Variants in EGR2 observed in about 807,000 individuals in gnomAD.
EGR2 encodes early growth response 2.
EGR2 carries 2 observed loss-of-function variants against 21.2 expected under a neutral mutation model. The ratio of observed to expected loss-of-function variants is 0.09; its 90% CI spans 0.04 to 0.30. The LOEUF (loss-of-function observed/expected upper bound fraction) is 0.30, where lower values mean the gene tolerates loss of function less well. Ranked by LOEUF, EGR2 falls within the 10% of genes least tolerant of loss-of-function variation. The pLI is 1.00. For missense variants in EGR2, 458 were observed against 630.2 expected, an observed-to-expected ratio of 0.73 and a Z score of 2.93; for synonymous variants, 282 against 258.2, an observed-to-expected ratio of 1.09 and a Z score of -0.88.
rs769473870 is a variant in EGR2 at position 62,814,090 on chromosome 10, T to C, written c.548A>G (p.Gln183Arg). ...TGCTGACAGGAACGCAGAAGGGTCCTGGTAGAGGTCTCCTGCACAGCCAGA... is the reference window on the plus strand; with the variant it reads ...TGCTGACAGGAACGCAGAAGGGTCCCGGTAGAGGTCTCCTGCACAGCCAGA... ...PYSGCAGDLYQDPSAFLSAAT... is the reference protein window; with the variant it reads ...PYSGCAGDLYRDPSAFLSAAT... Residue 183 changes from glutamine to arginine, a missense_variant, in exon 2 of 2, where the codon CAG (glutamine) becomes CGG (arginine). Around this residue, in one of 5 missense-constraint regions of EGR2, gnomAD observed 253 missense variants for 315.5 expected, o/e 0.80. Coordinates refer to ENST00000242480, the MANE Select transcript of EGR2 (RefSeq NM_000399.5). This position sits in a 1 kb window ranked among gnomAD's most constrained non-coding sequence, Gnocchi z 4.8. The C allele has an allele frequency of 1.2e-6, 2 of 1,613,908 alleles. No individual in the cohort carries two copies. Among genetic ancestry groups the C allele is most frequent in the South Asian group, 1.1e-5 (1 of 91,066 alleles).
rs1339781956 is a variant in EGR2 at position 62,812,201 on chromosome 10, A to G, written c.*1006T>C. On this transcript the variant is annotated 3_prime_UTR_variant, in exon 2 of 2. Coordinates refer to ENST00000242480, the MANE Select transcript of EGR2 (RefSeq NM_000399.5). ...ACTTTTAAGTCACAAAACAAAGCAT[A>G]CAAAAATATACTTTCTAAAAAAAAT... is the stretch of plus-strand genomic sequence containing the variant. 1 of 152,834 alleles carries G rather than the reference A, an allele frequency of 6.5e-6. No homozygotes were observed. 9.5% of individuals were successfully genotyped at this position (152,834 alleles called of 1,614,324 possible).
chr10:62,813,588 C>A lies in EGR2; in HGVS notation c.1050G>T (p.Arg350=), dbSNP rs781058000. The A allele has an allele frequency of 1.9e-6, 3 of 1,612,820 alleles. No homozygotes were observed. Among genetic ancestry groups the A allele is most frequent in the Non-Finnish European group, 2.5e-6 (3 of 1,180,034 alleles). The stretch of plus-strand genomic sequence containing the variant: ...GTGTCAGCTCGTCAGAGCGGGAGAA[C>A]CGCCGGTCGCAGCCTTCTGCTGGGC... The part of the protein sequence containing the change: ...YPCPAEGCDR[R]FSRSDELTRH... The change falls in exon 2 of 2, where the codon CGG becomes CGT. Residue 350 remains arginine (R), a synonymous_variant. Coordinates refer to ENST00000242480, the MANE Select transcript of EGR2 (RefSeq NM_000399.5). The surrounding 1 kb of genome is among the most constrained non-coding windows in gnomAD (Gnocchi z 5.7).
chr10:62,814,504 T>C lies in EGR2; in HGVS notation c.170-36A>G. Reference sequence around the variant, plus strand: ...GAAAGGCAGAATGGAGGTGGAACAATGAAAATACAGCCAGGACTCCCTTCT... The same window carrying C: ...GAAAGGCAGAATGGAGGTGGAACAACGAAAATACAGCCAGGACTCCCTTCT... On this transcript the variant is annotated intron_variant, in intron 1 of 1. Coordinates refer to ENST00000242480, the MANE Select transcript of EGR2 (RefSeq NM_000399.5). The surrounding 1 kb of genome is among the most constrained non-coding windows in gnomAD (Gnocchi z 4.8). 6.2e-7 allele frequency: 1 copy of C among 1,600,410 alleles called. No individual in the cohort carries two copies. Among genetic ancestry groups the C allele is most frequent in the Non-Finnish European group, 8.6e-7 (1 of 1,168,070 alleles).
upstream of EGR2, among the ~76,000 whole-genome samples, chr10:62,816,619 G>A (rs1295316123): frequency 6.6e-6 from 1 of 152,190 alleles, no homozygotes; most frequent in Non-Finnish European, 1.5e-5. Context: ...GATCGCGGGG[G>A]AGAGGGCGCG....
chr10:62,818,032 C>A (rs1838294632), upstream of EGR2, among the ~76,000 whole-genome samples: 1 of 152,256 alleles, frequency 6.6e-6, no homozygotes, highest in African/African-American at 2.4e-5. Context: ...GCAGGGTCAG[C>A]CTCGCAGGCC....
upstream of EGR2, chr10:62,816,373 A>G (rs896503811): frequency 5.8e-6 from 7 of 1,217,252 alleles, no homozygotes; most frequent in Middle Eastern, 3.6e-4. Flanking sequence ...AGTTAGACGG[A>G]AAGTGTTGCT....
In EGR2 at chr10:62,815,959, T is replaced by A; in HGVS notation, c.71A>T (p.Asn24Ile). The A allele has an allele frequency of 6.2e-7, 1 of 1,614,208 alleles. No individual in the cohort carries two copies. Among genetic ancestry groups the A allele is most frequent in the Admixed American group, 1.7e-5 (1 of 60,032 alleles). ...LSGFVHQLSD[N>I]IYPVEDLAAT... Reference sequence around the variant, plus strand: ...GGCGAGGTCCTCCACCGGGTAGATGTTGTCAGACAGCTGGTGCACAAAACC... The same window carrying A: ...GGCGAGGTCCTCCACCGGGTAGATGATGTCAGACAGCTGGTGCACAAAACC... Residue 24 changes from asparagine (N) to isoleucine (I), a missense_variant, in exon 1 of 2, where the codon AAC becomes ATC. Asn to Ile is a moderately radical substitution (Grantham distance 149). This residue lies in a region of EGR2 where 91 missense variants were observed against 105.2 expected (regional missense o/e 0.87). Transcript: ENST00000242480.
At position 62,813,307 on chromosome 10, in the gene EGR2, G is replaced by A. The variant is rs1842159151; in HGVS notation, c.1331C>T (p.Ser444Phe). ...GGTACCCCCAGGCTGCACGCCCCCAGAGCAGGAGGCTGTAGAGGGGGCTGG... is the reference window on the plus strand; with the variant it reads ...GGTACCCCCAGGCTGCACGCCCCCAAAGCAGGAGGCTGTAGAGGGGGCTGG... ...SVPAPSTASCSGGVQPGGTLC... is the reference protein window; with the variant it reads ...SVPAPSTASCFGGVQPGGTLC... Residue 444 changes from serine (S) to phenylalanine (F), a missense_variant, in exon 2 of 2, where the codon TCT becomes TTT. Transcript: ENST00000242480. This position sits in a 1 kb window ranked among gnomAD's most constrained non-coding sequence, Gnocchi z 5.7. 1 of 1,580,068 alleles carries A rather than the reference G, an allele frequency of 6.3e-7. No individual in the cohort carries two copies. Among genetic ancestry groups the A allele is most frequent in the Non-Finnish European group, 8.6e-7 (1 of 1,160,370 alleles).
chr10:62,816,615 G>T (rs929549913), upstream of EGR2, among the ~76,000 whole-genome samples: 2 of 152,166 alleles, frequency 1.3e-5, no homozygotes, highest in Non-Finnish European at 2.9e-5. Flanking sequence ...CAGGGATCGC[G>T]GGGGAGAGGG....
At position 62,813,403 on chromosome 10, in the gene EGR2, T is replaced by C. The variant is rs749558026; in HGVS notation, c.1235A>G (p.Glu412Gly). ...YCGRKFARSD[E>G]RKRHTKIHLR... ...GTGGATCTTGGTGTGGCGCTTCCTC[T>C]CATCACTCCGGGCAAACTTTCGGCC... The change falls in exon 2 of 2, where the codon GAG becomes GGG. Residue 412 changes from glutamate to glycine, a missense_variant. By Grantham distance (98) the Glu-to-Gly change is moderately conservative. Transcript: ENST00000242480. This position sits in a 1 kb window ranked among gnomAD's most constrained non-coding sequence, Gnocchi z 5.7. The C allele has an allele frequency of 6.2e-7, 1 of 1,613,402 alleles. No homozygotes were observed. The highest frequency in any genetic ancestry group is 8.5e-7 in the Non-Finnish European group (1 of 1,179,354).
chr10:62,817,974 C>T (rs1358281383), upstream of EGR2, among the ~76,000 whole-genome samples: 2 of 152,112 alleles, frequency 1.3e-5, no homozygotes, highest in Non-Finnish European at 2.9e-5. This position sits in a 1 kb window ranked among gnomAD's most constrained non-coding sequence, Gnocchi z 4.4. Context: ...TTGCGAACTG[C>T]CCCAGAGCCC....
chr10:62,818,380 T>C (rs1385614934), upstream of EGR2, among the ~76,000 whole-genome samples: 1 of 152,248 alleles, frequency 6.6e-6, no homozygotes, highest in Non-Finnish European at 1.5e-5. Context: ...TCGCTCGCGC[T>C]GTGCGCTTTT....
upstream of EGR2, among the ~76,000 whole-genome samples, chr10:62,818,949 C>T (rs1459091607): frequency 1.3e-5 from 2 of 152,162 alleles, no homozygotes; most frequent in African/African-American, 4.8e-5. Flanking sequence ...AGGGCAGGAC[C>T]GGGGCTGGGG....
chr10:62,817,938 G>A (rs1838292605), upstream of EGR2, among the ~76,000 whole-genome samples: 1 of 151,936 alleles, frequency 6.6e-6, no homozygotes, highest in South Asian at 2.1e-4. The surrounding 1 kb of genome is among the most constrained non-coding windows in gnomAD (Gnocchi z 4.4). Context: ...CCGCCTGCAT[G>A]ACTCATTCAT....
intron 1 of EGR2, among the ~76,000 whole-genome samples, chr10:62,815,143 C>T (rs224084): frequency 0.99 from 151,542 of 152,362 alleles, 75,367 homozygotes; most frequent in East Asian, 1. Flanking sequence ...GTGGCCCGGC[C>T]TCGAGGAAGG....
chr10:62,812,996 T>TA lies in EGR2; in HGVS notation c.*210dup. On this transcript the variant is annotated 3_prime_UTR_variant, in exon 2 of 2. Coordinates refer to ENST00000242480, the MANE Select transcript of EGR2 (RefSeq NM_000399.5). Reference sequence around the variant, plus strand: ...GAGCCTCCCCTTTGCCTTGGGTTGATAGTCAACTCACCTAAGAGAGACTAG... The same window carrying TA: ...GAGCCTCCCCTTTGCCTTGGGTTGATAAGTCAACTCACCTAAGAGAGACTAG... 2.0e-6 allele frequency: 1 copy of TA among 496,592 alleles called. No homozygotes were observed. Among genetic ancestry groups the TA allele is most frequent in the South Asian group, 5.4e-5 (1 of 18,430 alleles). 30.8% of individuals were successfully genotyped at this position (496,592 alleles called of 1,614,324 possible).
upstream of EGR2, among the ~76,000 whole-genome samples, chr10:62,817,817 T>A (rs1052771140): frequency 6.6e-6 from 1 of 152,188 alleles, no homozygotes; most frequent in Admixed American, 6.5e-5. The surrounding 1 kb of genome is among the most constrained non-coding windows in gnomAD (Gnocchi z 4.4). Flanking sequence ...GGTTCTGGCT[T>A]GCTGGGCGCA....
rs1842134736 is a variant in EGR2, at chr10:62,812,479, CA to C, written c.*727del. On this transcript the variant is annotated 3_prime_UTR_variant, in exon 2 of 2. Transcript: ENST00000242480. Reference sequence around the variant, plus strand: ...TCCCAAAGATTCAGAATTTAGAGAACAGTGTACATCAAAAATACACAAAATC... The same window carrying C: ...TCCCAAAGATTCAGAATTTAGAGAACGTGTACATCAAAAATACACAAAATC... 6.5e-6 allele frequency: 1 copy of C among 152,784 alleles called. No homozygotes were observed. The highest frequency in any genetic ancestry group is 1.5e-5 in the Non-Finnish European group (1 of 68,038). 9.5% of individuals were successfully genotyped at this position (152,784 alleles called of 1,614,324 possible).
At position 62,814,577 on chromosome 10, in the gene EGR2, T is replaced by C. The variant is rs1842215039; in HGVS notation, c.170-109A>G. ...TTTCCAAGGCCGAGAGTCTCAGCACTGTAGAGCTGTGGCAAAGTCCAAAAG... is the reference window on the plus strand; with the variant it reads ...TTTCCAAGGCCGAGAGTCTCAGCACCGTAGAGCTGTGGCAAAGTCCAAAAG... On this transcript the variant is annotated intron_variant, in intron 1 of 1. Coordinates refer to ENST00000242480, the MANE Select transcript of EGR2 (RefSeq NM_000399.5). The surrounding 1 kb of genome is among the most constrained non-coding windows in gnomAD (Gnocchi z 4.8). 3 of 1,102,294 alleles carry C rather than the reference T, an allele frequency of 2.7e-6. No homozygotes were observed. Among genetic ancestry groups the C allele is most frequent in the East Asian group, 2.4e-5 (1 of 41,756 alleles). The allele number at this position is 1,102,294 out of a possible 1,614,324, so 68.3% of individuals were successfully genotyped here.
Sources: allele counts gnomAD v4.1 joint callset (sites outside exome capture counted in the v4.1 genomes callset), GRCh38; gene constraint gnomAD v4.1.1; regional missense constraint gnomAD v4.1.1; non-coding constraint Gnocchi (gnomAD v3.1); transcripts MANE v1.5; gene names NCBI Gene and HGNC (gene_info 2026-07-23, HGNC 2026-07-21).